Variants in AKAP19 observed in about 807,000 individuals in gnomAD.
AKAP19 encodes the protein small A-kinase anchoring protein.
chr2:190,123,911 G>T, the AKAP19 span, among the ~76,000 whole-genome samples: 1 of 152,152 alleles, frequency 6.6e-6, no homozygotes, highest in Admixed American at 6.5e-5. Flanking sequence ...AGAAATGATG[G>T]ATGTATTGAT....
At chr2:189,957,395 A>G in the AKAP19 span, among the ~76,000 whole-genome samples, 16 of 152,170 alleles carry the variant, frequency 1.1e-4, no homozygotes, top group Admixed American at 6.5e-5. Context: ...TTTGCAACCA[A>G]TCCTCCCCCA....
chr2:190,073,834 TGAGGTCAG>T, the AKAP19 span, among the ~76,000 whole-genome samples: 3 of 151,902 alleles, frequency 2.0e-5, no homozygotes, highest in Admixed American at 2.0e-4. Flanking sequence ...ATGGATCACC[TGAGGTCAG>T]GAGTTTGAGA....
At chr2:189,933,260 C>T in the AKAP19 span, among the ~76,000 whole-genome samples, 1 of 152,154 alleles carries the variant, frequency 6.6e-6, no homozygotes, top group African/African-American at 2.4e-5. Context: ...AAGACTTCTA[C>T]TCCTTTTGGG....
chr2:190,058,988 A>ATG, the AKAP19 span, among the ~76,000 whole-genome samples: 3 of 131,968 alleles, frequency 2.3e-5, no homozygotes, highest in Non-Finnish European at 4.6e-5. Flanking sequence ...GAAGTAAAAC[A>ATG]TGTGTGTGTG....
the AKAP19 span, among the ~76,000 whole-genome samples, chr2:189,927,994 A>G: frequency 2.0e-5 from 3 of 152,144 alleles, no homozygotes; most frequent in Admixed American, 1.3e-4. Flanking sequence ...TAAGTAAAAG[A>G]TGATTTTTTT....
At chr2:189,998,792 A>C in the AKAP19 span, among the ~76,000 whole-genome samples, 1 of 24,450 alleles carries the variant, frequency 4.1e-5, no homozygotes, top group African/African-American at 1.5e-4. Flanking sequence ...TTTTTTTTTG[A>C]TATGGAGTCT....
At chr2:190,076,396 GT>G in the AKAP19 span, among the ~76,000 whole-genome samples, 801 of 152,282 alleles carry the variant, frequency 5.3e-3, 10 homozygotes, top group African/African-American at 0.018. Context: ...GAGAACCACT[GT>G]TAAAGATTGA....
At chr2:189,943,163 C>T in the AKAP19 span, among the ~76,000 whole-genome samples, 3 of 152,300 alleles carry the variant, frequency 2.0e-5, no homozygotes, top group South Asian at 2.1e-4. Context: ...AGCAGCCCCT[C>T]CCATCACAGG....
chr2:190,093,270 A>G, the AKAP19 span, among the ~76,000 whole-genome samples: 3 of 114,660 alleles, frequency 2.6e-5, no homozygotes, highest in Non-Finnish European at 6.0e-5. Context: ...TAAAAAAAAA[A>G]AAAAATACAA....
the AKAP19 span, among the ~76,000 whole-genome samples, chr2:189,973,661 A>G: frequency 1.5e-4 from 23 of 151,992 alleles, no homozygotes; most frequent in Non-Finnish European, 3.4e-4. Context: ...TCAATTTCAG[A>G]GCCTGTTATT....
At chr2:190,116,726 G>T in the AKAP19 span, among the ~76,000 whole-genome samples, 1 of 152,112 alleles carries the variant, frequency 6.6e-6, no homozygotes, top group Admixed American at 6.5e-5. Flanking sequence ...CCCAGAGTTG[G>T]GTGTGAGGCA....
the AKAP19 span, among the ~76,000 whole-genome samples, chr2:189,891,212 CT>C: frequency 2.5e-5 from 3 of 120,762 alleles, no homozygotes; most frequent in Admixed American, 8.2e-5. Context: ...GTTGAAAGTT[CT>C]TTTTTTTTCC....
chr2:189,926,261 A>G, the AKAP19 span, among the ~76,000 whole-genome samples: 2 of 152,138 alleles, frequency 1.3e-5, no homozygotes, highest in African/African-American at 4.8e-5. Flanking sequence ...AGATAGAAAG[A>G]TGCGCAATGA....
At chr2:190,093,209 G>A in the AKAP19 span, among the ~76,000 whole-genome samples, 1 of 151,994 alleles carries the variant, frequency 6.6e-6, no homozygotes, top group Non-Finnish European at 1.5e-5. Context: ...GATCACCTGA[G>A]GTCAGGAGTT....
the AKAP19 span, among the ~76,000 whole-genome samples, chr2:190,119,572 G>A: frequency 6.6e-6 from 1 of 152,228 alleles, no homozygotes; most frequent in African/African-American, 2.4e-5. Context: ...ATGTTGGGTG[G>A]ACCCAGTTTC....
At chr2:190,090,626 G>A in the AKAP19 span, among the ~76,000 whole-genome samples, 77 of 152,270 alleles carry the variant, frequency 5.1e-4, no homozygotes, top group Non-Finnish European at 7.9e-4. Context: ...AACTGATCAC[G>A]TGTCTTTGAG....
the AKAP19 span, among the ~76,000 whole-genome samples, chr2:190,011,508 A>G: frequency 6.6e-6 from 1 of 152,244 alleles, no homozygotes; most frequent in African/African-American, 2.4e-5. Context: ...ATTATTGCCC[A>G]GATGAATGTC....
At chr2:190,144,026 T>G in the AKAP19 span, among the ~76,000 whole-genome samples, 9 of 67,822 alleles carry the variant, frequency 1.3e-4, no homozygotes, top group South Asian at 1.4e-3. Flanking sequence ...TGTGGTGGGG[T>G]GGGGGGAGGG....
chr2:190,116,713 G>C, the AKAP19 span, among the ~76,000 whole-genome samples: 1 of 152,104 alleles, frequency 6.6e-6, no homozygotes, highest in Admixed American at 6.6e-5. Flanking sequence ...CTCTTCTGGT[G>C]TGCCCAGAGT....
Sources: gnomAD v4.1 joint callset for allele counts (sites outside exome capture counted in the v4.1 genomes callset) on GRCh38, gnomAD v4.1.1 for gene constraint, MANE v1.5 for transcripts, NCBI Gene and HGNC (gene_info 2026-07-23, HGNC 2026-07-21) for gene names.